The following CPNE4 variants were observed in gnomAD, a reference collection of about 807,000 sequenced individuals.
CPNE4 encodes copine 4.
CPNE4 carries 25 observed loss-of-function variants against 67.9 expected under a neutral mutation model. The ratio of observed to expected loss-of-function variants is 0.37; its 90% CI spans 0.27 to 0.51. The LOEUF (loss-of-function observed/expected upper bound fraction) is 0.51, where lower values mean the gene tolerates loss of function less well. Among genes scored for constraint, CPNE4 ranks in the 20% least tolerant of loss-of-function variants. The probability of loss-of-function intolerance (pLI) is 0.93; values close to 1 mark genes in which losing one functional copy is unlikely to be tolerated. For synonymous variants in CPNE4, 242 were observed against 244.9 expected, an observed-to-expected ratio of 0.99 and a Z score of 0.11; for missense variants, 464 against 690.8, an observed-to-expected ratio of 0.67 and a Z score of 3.68.
intron 1 of CPNE4, among the ~76,000 whole-genome samples, chr3:131,936,000 T>C (rs1050923402): frequency 3.3e-5 from 5 of 152,070 alleles, no homozygotes; most frequent in African/African-American, 9.7e-5. Flanking sequence ...TTCAGAACCA[T>C]AGACCTCGTC....
intron 7 of CPNE4, among the ~76,000 whole-genome samples, chr3:131,607,801 A>G (rs987463811): frequency 6.6e-6 from 1 of 152,156 alleles, no homozygotes; most frequent in Non-Finnish European, 1.5e-5. Context: ...CGTTTTTGCT[A>G]TTGCAGAAAC....
Position 131,663,744 on chromosome 3 carries a change from C to T in CPNE4, c.681+5931G>A, listed in dbSNP as rs534359727. On this transcript the variant is annotated intron_variant, in intron 7 of 15. Coordinates refer to ENST00000429747, the MANE Select transcript of CPNE4 (RefSeq NM_130808.3). ...AGGCATGGCAGCCTAAGATAGACGG[C>T]GCAAAGAACAAGCGAGATGAATCAT... Among the ~76,000 whole-genome samples, 15 of 152,178 alleles carry T rather than the reference C, an allele frequency of 9.9e-5. No homozygotes were observed. In the South Asian group the frequency reaches 2.1e-3, roughly 21 times the overall value.
chr3:131,763,929 CACTT>C (rs1275925602), intron 2 of CPNE4, among the ~76,000 whole-genome samples: 3 of 152,044 alleles, frequency 2.0e-5, no homozygotes, highest in Admixed American at 2.0e-4. Flanking sequence ...TTTTAGCAAA[CACTT>C]ACAGGGTGCA....
At chr3:132,002,729 C>G (rs1219633682) in intron 1 of CPNE4, among the ~76,000 whole-genome samples, 2 of 152,078 alleles carry the variant, frequency 1.3e-5, no homozygotes, top group Non-Finnish European at 2.9e-5. Flanking sequence ...ACAAAAAACC[C>G]ATGAGTCAAT....
chr3:132,033,616 G>A (rs543996001), intron 1 of CPNE4, among the ~76,000 whole-genome samples: 53 of 152,338 alleles, frequency 3.5e-4, no homozygotes, highest in African/African-American at 1.3e-3. Context: ...GAGCCTAGCA[G>A]GTTCTGGGGC....
chr3:131,687,016 A>C (rs1371282562), intron 5 of CPNE4, among the ~76,000 whole-genome samples: 1 of 152,156 alleles, frequency 6.6e-6, no homozygotes, highest in Non-Finnish European at 1.5e-5. Context: ...ACACTATTTT[A>C]CGAATCAGCC....
chr3:131,805,298 C>T (rs776533201), intron 2 of CPNE4, among the ~76,000 whole-genome samples: 3 of 152,150 alleles, frequency 2.0e-5, no homozygotes, highest in Admixed American at 6.5e-5. Context: ...AGGGAGCTCT[C>T]GTGCTTCCCA....
chr3:131,796,541 C>A (rs1431350497), intron 2 of CPNE4, among the ~76,000 whole-genome samples: 2 of 152,184 alleles, frequency 1.3e-5, no homozygotes, highest in Non-Finnish European at 2.9e-5. Context: ...AGAAAGGAAG[C>A]AAATAAATAC....
intron 2 of CPNE4, among the ~76,000 whole-genome samples, chr3:131,878,027 C>T (rs1560523794): frequency 6.6e-6 from 1 of 152,202 alleles, no homozygotes; most frequent in Non-Finnish European, 1.5e-5. Flanking sequence ...CTACATGCTA[C>T]TGCTGAGAGT....
intron 2 of CPNE4, among the ~76,000 whole-genome samples, chr3:131,820,874 G>A (rs2084936605): frequency 6.6e-6 from 1 of 152,118 alleles, no homozygotes; most frequent in African/African-American, 2.4e-5. Context: ...ATGCTATATT[G>A]GACAGGTTTT....
At chr3:131,914,840 G>T (rs1205132034) in intron 1 of CPNE4, among the ~76,000 whole-genome samples, 1 of 152,122 alleles carries the variant, frequency 6.6e-6, no homozygotes, top group African/African-American at 2.4e-5. Context: ...GCTGGGTGTG[G>T]TGGTGCATGC....
chr3:131,876,486 GA>G (rs1403412321), intron 2 of CPNE4, among the ~76,000 whole-genome samples: 1 of 150,268 alleles, frequency 6.7e-6, no homozygotes, highest in Non-Finnish European at 1.5e-5. Context: ...ACTAAAAATA[GA>G]AAAGATTAGC....
At chr3:132,010,442 G>C (rs111800024) in intron 1 of CPNE4, among the ~76,000 whole-genome samples, 1 of 232 alleles carries the variant, frequency 4.3e-3, no homozygotes, top group African/African-American at 0.033. Context: ...CAAGAATGCT[G>C]AGTCGTGGCC....
chr3:131,652,193 G>C (rs2079830390), intron 7 of CPNE4, among the ~76,000 whole-genome samples: 2 of 152,168 alleles, frequency 1.3e-5, no homozygotes, highest in Non-Finnish European at 2.9e-5. Flanking sequence ...ATGAACAACA[G>C]AGCAAGGTAG....
Position 131,766,573 on chromosome 3 carries a change from A to C in CPNE4, c.181-42948T>G, listed in dbSNP as rs1309187257. Reference sequence around the variant, plus strand: ...GAAGAGATGGGCACAATTGGCTCCCAAAAGCTGGTACCAGCCAGCTCAAGC... The same window carrying C: ...GAAGAGATGGGCACAATTGGCTCCCCAAAGCTGGTACCAGCCAGCTCAAGC... On this transcript the variant is annotated intron_variant, in intron 2 of 15. Transcript: ENST00000429747. Among the ~76,000 whole-genome samples the C allele has an allele frequency of 2.0e-5, 3 of 152,164 alleles. No individual in the cohort carries two copies. In the East Asian group the frequency reaches 5.8e-4, roughly 29 times the overall value.
Position 131,669,698 on chromosome 3 carries a change from C to T in CPNE4, c.658G>A (p.Gly220Arg), listed in dbSNP as rs372564382. Residue 220 changes from glycine to arginine, a missense_variant, in exon 7 of 16, where the codon GGA (glycine) becomes AGA (arginine). By Grantham distance (125) the Gly-to-Arg change is moderately radical. Around this residue, in one of 6 missense-constraint regions of CPNE4, gnomAD observed 58 missense variants for 63.5 expected, o/e 0.91. Transcript: ENST00000429747. ...ACCTTTAGCCGGCGGTCTGGGTCTC[C>T]GCTGCATAGAGAATTTACAGATACT... ...FKVSVNSLCSGDPDRRLKCIV... is the reference protein window; with the variant it reads ...FKVSVNSLCSRDPDRRLKCIV... 55 of 1,613,458 alleles carry T rather than the reference C, an allele frequency of 3.4e-5. No homozygotes were observed. Among genetic ancestry groups the T allele is most frequent in the East Asian group, 1.3e-4 (6 of 44,874 alleles).
chr3:131,931,855 T>C (rs2071071101), intron 1 of CPNE4, among the ~76,000 whole-genome samples: 1 of 152,206 alleles, frequency 6.6e-6, no homozygotes, highest in African/African-American at 2.4e-5. Flanking sequence ...AGGTTTGGGT[T>C]AGTGCTATAA....
chr3:131,654,383 T>C (rs967517454), intron 7 of CPNE4, among the ~76,000 whole-genome samples: 1 of 152,108 alleles, frequency 6.6e-6, no homozygotes, highest in Non-Finnish European at 1.5e-5. Context: ...TTTTTTTAAT[T>C]TTTTTCTGCT....
intron 1 of CPNE4, among the ~76,000 whole-genome samples, chr3:132,012,462 C>A (rs1197202165): frequency 6.6e-6 from 1 of 152,092 alleles, no homozygotes; most frequent in East Asian, 1.9e-4. Context: ...AGCCACTGCA[C>A]CCAGCTAGCC....
Sources: allele counts gnomAD v4.1 joint callset (sites outside exome capture counted in the v4.1 genomes callset), GRCh38; gene constraint gnomAD v4.1.1; regional missense constraint gnomAD v4.1.1; transcripts MANE v1.5; gene names NCBI Gene and HGNC (gene_info 2026-07-23, HGNC 2026-07-21).